ABCG1: variants seen among roughly 807,000 people sequenced by gnomAD.
ABCG1 encodes the protein ATP binding cassette subfamily G member 1.
ABCG1 carries 29 observed loss-of-function variants against 69.2 expected under a neutral mutation model. That is an observed-to-expected ratio of 0.42 (90% CI 0.31 to 0.57). The LOEUF is 0.57. Ranked by LOEUF, ABCG1 falls within the 20% of genes least tolerant of loss-of-function variation. ABCG1 has a pLI of 0.15. For synonymous variants in ABCG1, 370 were observed against 374.8 expected, an observed-to-expected ratio of 0.99 and a Z score of 0.15; for missense variants, 718 against 898.1, an observed-to-expected ratio of 0.80 and a Z score of 2.56.
At chr21:42,260,008 C>T (rs1013924015) in intron 2 of ABCG1, 84 of 1,486,580 alleles carry the variant, frequency 5.7e-5, no homozygotes, top group South Asian at 7.6e-5. Flanking sequence ...GCATCCTGCA[C>T]GTGGTCAGTC....
At position 42,291,557 on chromosome 21, in the gene ABCG1, C is replaced by T. The variant is rs754177559; in HGVS notation, c.1554C>T (p.Asp518=). The T allele has an allele frequency of 1.5e-5, 25 of 1,613,500 alleles. No homozygotes were observed. Among genetic ancestry groups the T allele is most frequent in the Admixed American group, 1.0e-4 (6 of 59,984 alleles). Residue 518 remains aspartate, a synonymous_variant, in exon 13 of 15, where the codon GAC becomes GAT. Coordinates refer to ENST00000398449, the MANE Select transcript of ABCG1 (RefSeq NM_016818.3). This position sits in a 1 kb window ranked among gnomAD's most constrained non-coding sequence, Gnocchi z 6.4. ...ACTGGATGACGTCGCAGCCGTCCGACGCCGTGCGCTTTGTGCTGTTTGCCG... is the reference window on the plus strand; with the variant it reads ...ACTGGATGACGTCGCAGCCGTCCGATGCCGTGCGCTTTGTGCTGTTTGCCG... ...IVYWMTSQPS[D]AVRFVLFAAL... is the part of the protein sequence containing the mutation.
At chr21:42,254,925 G>A (rs1428173647) in intron 2 of ABCG1, among the ~76,000 whole-genome samples, 1 of 152,212 alleles carries the variant, frequency 6.6e-6, no homozygotes, top group East Asian at 1.9e-4. Context: ...CACGGCTTTG[G>A]GTGGGGAAAC....
At chr21:42,214,839 A>T (rs1601336175), upstream of ABCG1, among the ~76,000 whole-genome samples, 1 of 152,182 alleles carries the variant, frequency 6.6e-6, no homozygotes, top group African/African-American at 2.4e-5. Context: ...GGGGGAAAAA[A>T]ATCCCATAAG....
chr21:42,229,471 G>A (rs895145303), intron 2 of ABCG1, among the ~76,000 whole-genome samples: 2 of 152,172 alleles, frequency 1.3e-5, no homozygotes, highest in Non-Finnish European at 2.9e-5. Context: ...TGTAATCCCA[G>A]CACTTTGGGA....
intron 2 of ABCG1, among the ~76,000 whole-genome samples, chr21:42,268,249 G>A (rs974282869): frequency 3.9e-5 from 6 of 152,194 alleles, no homozygotes; most frequent in Non-Finnish European, 2.9e-5. Flanking sequence ...TCAGGGGTGG[G>A]AAAGTAGGGC....
intron 2 of ABCG1, chr21:42,256,400 TG>T: frequency 6.5e-7 from 1 of 1,550,202 alleles, no homozygotes; most frequent in African/African-American, 1.4e-5. Context: ...GGCCAGACTG[TG>T]GTGTCTGGTC....
intron 4 of ABCG1, among the ~76,000 whole-genome samples, chr21:42,274,234 T>G (rs925295123): frequency 1.3e-5 from 2 of 152,240 alleles, no homozygotes; most frequent in Non-Finnish European, 2.9e-5. Flanking sequence ...ATGCAGTTGG[T>G]GCCTAATCAA....
rs537151305 is a variant in ABCG1 at position 42,245,830 on chromosome 21, C to A, written c.286+19916C>A. Among the ~76,000 whole-genome samples, 4 of 151,410 alleles carry A rather than the reference C, an allele frequency of 2.6e-5. No homozygotes were observed. In the East Asian group the frequency reaches 7.8e-4, roughly 29 times the overall value. On this transcript the variant is annotated intron_variant, in intron 2 of 14. Transcript: ENST00000398449. Reference sequence around the variant, plus strand: ...GATGAGGAGGGGATGGGGCACCAGGCAGCAGACTCTGATGAGGAGGGGAGG... The same window carrying A: ...GATGAGGAGGGGATGGGGCACCAGGAAGCAGACTCTGATGAGGAGGGGAGG...
At position 42,227,454 on chromosome 21, in the gene ABCG1, T is replaced by C. The variant is rs116155595; in HGVS notation, c.286+1540T>C. 8.1e-3 allele frequency among the ~76,000 whole-genome samples: 1,233 copies of C among 152,374 alleles called. 19 individuals carry two copies. The highest frequency in any genetic ancestry group is 0.028 in the African/African-American group (1,176 of 41,588). On this transcript the variant is annotated intron_variant, in intron 2 of 14. Transcript: ENST00000398449. ...GCAGTGAGCAACATAGAGCGATTCC[T>C]GTCCGTCTGTTATGTGTGGCCTTGG...
At position 42,225,822 on chromosome 21, in the gene ABCG1, G is replaced by A. The variant is rs959974308; in HGVS notation, c.194G>A (p.Arg65His). 5.6e-6 allele frequency: 9 copies of A among 1,613,854 alleles called. No homozygotes were observed. The highest frequency in any genetic ancestry group is 1.6e-4 in the Middle Eastern group (1 of 6,072). The change falls in exon 2 of 15, where the codon CGC becomes CAC. Residue 65 changes from arginine (R) to histidine (H), a missense_variant. Around this residue, in one of 2 missense-constraint regions of ABCG1, gnomAD observed 514 missense variants for 574.3 expected, o/e 0.90. Transcript: ENST00000398449. The stretch of plus-strand genomic sequence containing the variant: ...GATAATAACCTCACGGAAGCCCAGC[G>A]CTTCTCCTCCTTGCCTCGGAGGGCA... ...KVDNNLTEAQ[R>H]FSSLPRRAAV...
At chr21:42,290,984 G>T in intron 11 of ABCG1, 108 bp from the exon 12 acceptor site, 1 of 777,734 alleles carries the variant, frequency 1.3e-6, no homozygotes. Flanking sequence ...AGTGCCCTAG[G>T]CCAGAGCTGG....
At chr21:42,208,089 A>T (rs181346880) in intron 2 of ABCG1, among the ~76,000 whole-genome samples, 1 of 152,330 alleles carries the variant, frequency 6.6e-6, no homozygotes, top group East Asian at 1.9e-4. Context: ...CTTTGCTGGC[A>T]TGGGCAGACA....
At chr21:42,243,578 T>C (rs2068087092) in intron 2 of ABCG1, among the ~76,000 whole-genome samples, 1 of 151,334 alleles carries the variant, frequency 6.6e-6, no homozygotes, top group Non-Finnish European at 1.5e-5. Context: ...TGCAGTAAGA[T>C]TGTCATGATC....
At chr21:42,247,138 A>G (rs1412842080) in intron 2 of ABCG1, among the ~76,000 whole-genome samples, 1 of 152,228 alleles carries the variant, frequency 6.6e-6, no homozygotes, top group Admixed American at 6.5e-5. Context: ...TTTCAGGATA[A>G]AAATATTTGA....
At chr21:42,290,977 G>T in intron 11 of ABCG1, 115 bp from the exon 12 acceptor site, 2 of 726,202 alleles carry the variant, frequency 2.8e-6, no homozygotes, top group Non-Finnish European at 2.4e-6. Flanking sequence ...ATCTCTCAGT[G>T]CCCTAGGCCA....
In ABCG1 at chr21:42,273,501, C is replaced by T. The variant is rs2068655622; in HGVS notation, c.537+66C>T. The T allele has an allele frequency of 2.6e-6, 4 of 1,547,334 alleles. No homozygotes were observed. Among genetic ancestry groups the T allele is most frequent in the Admixed American group, 1.9e-5 (1 of 53,834 alleles). ...CTGTCCCCAGCGCCCACATTAGACACAGCACTGGCCGAGTGCCCAGCTGCG... is the reference window on the plus strand; with the variant it reads ...CTGTCCCCAGCGCCCACATTAGACATAGCACTGGCCGAGTGCCCAGCTGCG... On this transcript the variant is annotated intron_variant, in intron 4 of 14. Transcript: ENST00000398449. The surrounding 1 kb of genome is among the most constrained non-coding windows in gnomAD (Gnocchi z 5.3).
chr21:42,264,439 G>A (rs74757), intron 2 of ABCG1, among the ~76,000 whole-genome samples: 68,350 of 151,624 alleles, frequency 0.45, 15,609 homozygotes, highest in Middle Eastern at 0.59. Flanking sequence ...CCATCCATCC[G>A]TCAATCTATC....
chr21:42,256,296 A>G (rs1304612788), intron 2 of ABCG1: 33 of 1,527,248 alleles, frequency 2.2e-5, no homozygotes, highest in Non-Finnish European at 2.7e-5. Context: ...TGGTCTTCCA[A>G]CTTTTGCCCG....
chr21:42,200,132 G>T (rs2067494697), intron 1 of ABCG1, among the ~76,000 whole-genome samples: 2 of 152,210 alleles, frequency 1.3e-5, no homozygotes, highest in Admixed American at 1.3e-4. Flanking sequence ...TTGGGGTCCG[G>T]TGTGAGGATC....
Sources: gnomAD v4.1 joint callset for allele counts (sites outside exome capture counted in the v4.1 genomes callset) on GRCh38, gnomAD v4.1.1 for gene constraint, gnomAD v4.1.1 regional missense constraint, Gnocchi (gnomAD v3.1) non-coding constraint, MANE v1.5 for transcripts, NCBI Gene and HGNC (gene_info 2026-07-23, HGNC 2026-07-21) for gene names.